The following TTC28 variants were observed in gnomAD, a reference collection of about 807,000 sequenced individuals.
The protein encoded by TTC28 is tetratricopeptide repeat protein 28.
Under a neutral mutation model 198.0 loss-of-function variants are expected in TTC28, and 61 were observed. The observed-to-expected ratio is 0.31, with a 90% CI of 0.25 to 0.38. The LOEUF is 0.38. TTC28 is among the 10% of genes least tolerant of loss of function. The pLI, the probability that TTC28 is intolerant of heterozygous loss-of-function variation, is 1.00. For missense variants in TTC28, 2,678 were observed against 3,164.0 expected (o/e 0.85, Z 3.69); for synonymous variants, 1,171 against 1,297.8 (o/e 0.90, Z 2.10).
chr22:28,324,428 C>CA (rs134480), intron 2 of TTC28, among the ~76,000 whole-genome samples: 13 of 146,590 alleles, frequency 8.9e-5, no homozygotes, highest in East Asian at 6.0e-4. Context: ...GGGAGAGACA[C>CA]AAAAAAAAAA....
At chr22:28,650,252 A>T (rs5762734) in intron 1 of TTC28, among the ~76,000 whole-genome samples, 12,006 of 152,212 alleles carry the variant, frequency 0.079, 597 homozygotes, top group Admixed American at 0.16. Flanking sequence ...GAAGAAAAGG[A>T]AAATTGATCA....
At chr22:28,597,621 T>C (rs1163807216) in intron 2 of TTC28, among the ~76,000 whole-genome samples, 8 of 152,116 alleles carry the variant, frequency 5.3e-5, no homozygotes, top group South Asian at 2.1e-4. Flanking sequence ...CAGTCCACCA[T>C]GAATATCACC....
At chr22:28,307,286 A>T (rs2045165308) in intron 2 of TTC28, among the ~76,000 whole-genome samples, 2 of 152,208 alleles carry the variant, frequency 1.3e-5, no homozygotes, top group South Asian at 4.1e-4. Flanking sequence ...ATCAATTGTG[A>T]TTATAGGAAA....
intron 2 of TTC28, among the ~76,000 whole-genome samples, chr22:28,411,082 A>T (rs2047073880): frequency 6.6e-6 from 1 of 152,180 alleles, no homozygotes; most frequent in African/African-American, 2.4e-5. Context: ...AGATGGACTA[A>T]GTTCTCTTGC....
intron 5 of TTC28, among the ~76,000 whole-genome samples, chr22:28,200,511 G>T (rs1204062152): frequency 1.3e-5 from 2 of 152,212 alleles, no homozygotes; most frequent in East Asian, 3.9e-4. Flanking sequence ...GTGAGAGATA[G>T]TGTTGGTACC....
intron 2 of TTC28, among the ~76,000 whole-genome samples, chr22:28,592,689 C>A (rs1389623991): frequency 1.3e-5 from 2 of 152,148 alleles, no homozygotes; most frequent in Non-Finnish European, 2.9e-5. Flanking sequence ...AGTATTGTTA[C>A]AATTAACTGC....
chr22:28,181,708 T>A (rs920128767), intron 5 of TTC28, among the ~76,000 whole-genome samples: 1 of 152,092 alleles, frequency 6.6e-6, no homozygotes, highest in African/African-American at 2.4e-5. Flanking sequence ...CCTTGACACC[T>A]CCTCCAGGAT....
intron 2 of TTC28, among the ~76,000 whole-genome samples, chr22:28,370,531 T>C (rs911818868): frequency 1.2e-4 from 18 of 152,236 alleles, no homozygotes; most frequent in African/African-American, 4.3e-4. Context: ...CAATCTCATA[T>C]TCTCCATCTA....
intron 14 of TTC28, among the ~76,000 whole-genome samples, chr22:28,010,098 G>A (rs145493692): frequency 6.6e-6 from 1 of 152,304 alleles, no homozygotes; most frequent in African/African-American, 2.4e-5. Context: ...AGATAGGACT[G>A]CAGCCTGTGG....
At chr22:28,440,487 A>G (rs769518738) in intron 2 of TTC28, among the ~76,000 whole-genome samples, 9 of 152,314 alleles carry the variant, frequency 5.9e-5, no homozygotes, top group Middle Eastern at 3.4e-3. Context: ...AAAGAAATCT[A>G]GAACCTATAA....
chr22:28,524,201 C>T (rs941518452), intron 2 of TTC28, among the ~76,000 whole-genome samples: 4 of 152,110 alleles, frequency 2.6e-5, no homozygotes, highest in East Asian at 3.9e-4. Context: ...AAAAAATTAA[C>T]GATCCCAGCA....
chr22:28,538,486 G>C (rs1322236893), intron 2 of TTC28, among the ~76,000 whole-genome samples: 2 of 151,626 alleles, frequency 1.3e-5, no homozygotes, highest in African/African-American at 2.4e-5. Context: ...AGAAAAACCA[G>C]ATTGCTGAAA....
chr22:28,014,065 T>C (rs568764083), intron 14 of TTC28, among the ~76,000 whole-genome samples, 183 bp downstream of exon 14: 1 of 152,272 alleles, frequency 6.6e-6, no homozygotes, highest in African/African-American at 2.4e-5. Context: ...ACCAACCAAG[T>C]CTGTGCTCCA....
intron 5 of TTC28, among the ~76,000 whole-genome samples, chr22:28,230,070 A>C (rs1329847393): frequency 6.6e-6 from 1 of 152,190 alleles, no homozygotes; most frequent in Non-Finnish European, 1.5e-5. Context: ...TTGGAAATGA[A>C]AGAATGGAAA....
At chr22:28,364,518 T>A (rs1416666429) in intron 2 of TTC28, among the ~76,000 whole-genome samples, 2 of 152,218 alleles carry the variant, frequency 1.3e-5, no homozygotes, top group Admixed American at 6.5e-5. Context: ...CTCTGAAGGC[T>A]ATGGACAAAG....
At chr22:28,449,143 G>A (rs550884442) in intron 2 of TTC28, among the ~76,000 whole-genome samples, 2 of 152,314 alleles carry the variant, frequency 1.3e-5, no homozygotes, top group South Asian at 4.1e-4. Flanking sequence ...ATAATTAGTG[G>A]CATATTCTCT....
chr22:28,644,398 C>CAA (rs550663869), intron 1 of TTC28, among the ~76,000 whole-genome samples: 7,871 of 114,528 alleles, frequency 0.069, 377 homozygotes, highest in Admixed American at 0.15. Flanking sequence ...GACTCCATCT[C>CAA]AAAAAAAAAA....
chr22:28,245,681 A>C (rs929973438), intron 5 of TTC28, among the ~76,000 whole-genome samples: 2 of 152,340 alleles, frequency 1.3e-5, no homozygotes, highest in African/African-American at 4.8e-5. Flanking sequence ...TAAACATTGT[A>C]GTCTTTCTCA....
At chr22:28,507,066 T>C (rs1277932497) in intron 2 of TTC28, among the ~76,000 whole-genome samples, 5 of 152,162 alleles carry the variant, frequency 3.3e-5, no homozygotes, top group African/African-American at 9.7e-5. Context: ...CTGAGATGGC[T>C]GAAATGACAG....
Sources: gnomAD v4.1 joint callset for allele counts (sites outside exome capture counted in the v4.1 genomes callset) on GRCh38, gnomAD v4.1.1 for gene constraint, MANE v1.5 for transcripts, NCBI Gene and HGNC (gene_info 2026-07-23, HGNC 2026-07-21) for gene names.